AOAH: variants seen among roughly 807,000 people sequenced by gnomAD.
AOAH encodes the protein acyloxyacyl hydrolase (neutrophil).
A neutral mutation model predicts 92.2 loss-of-function variants in AOAH; 64 were observed. The ratio of observed to expected loss-of-function variants is 0.69; its 90% confidence interval spans 0.57 to 0.86. AOAH has a LOEUF of 0.86. Ranked by LOEUF, AOAH falls within the 40% of genes least tolerant of loss-of-function variation. AOAH has a pLI of 0.00. For missense variants in AOAH, 656 were observed against 694.6 expected (o/e 0.94, Z 0.62); for synonymous variants, 263 against 254.5 (o/e 1.03, Z -0.32).
At chr7:36,554,653 A>G (rs1176184435) in intron 13 of AOAH, among the ~76,000 whole-genome samples, 1 of 151,550 alleles carries the variant, frequency 6.6e-6, no homozygotes, top group African/African-American at 2.4e-5. Flanking sequence ...ATCCTCTTTT[A>G]TTTCATTGAG....
chr7:36,720,814 T>C (rs887092249), intron 1 of AOAH, among the ~76,000 whole-genome samples: 16 of 152,222 alleles, frequency 1.1e-4, no homozygotes, highest in Non-Finnish European at 1.9e-4. Context: ...GCATATTCAG[T>C]GGCCATGTGA....
intron 3 of AOAH, among the ~76,000 whole-genome samples, chr7:36,673,416 C>T (rs1487859198): frequency 3.0e-4 from 42 of 139,060 alleles, no homozygotes; most frequent in East Asian, 2.1e-4. Context: ...ACATGCCCGC[C>T]GTAATCCCAG....
intron 13 of AOAH, among the ~76,000 whole-genome samples, chr7:36,557,701 T>C (rs1786870554): frequency 6.6e-6 from 1 of 152,186 alleles, no homozygotes; most frequent in Non-Finnish European, 1.5e-5. Context: ...TTCTTTTTTC[T>C]CTAAACTTCC....
At chr7:36,524,043 C>G (rs958636542) in intron 19 of AOAH, among the ~76,000 whole-genome samples, 24 of 152,054 alleles carry the variant, frequency 1.6e-4, no homozygotes, top group Non-Finnish European at 1.5e-5. Context: ...CTCCCCATCC[C>G]CTCCGTGACT....
chr7:36,590,197 A>T (rs1173484216), intron 12 of AOAH, among the ~76,000 whole-genome samples: 1 of 152,138 alleles, frequency 6.6e-6, no homozygotes, highest in African/African-American at 2.4e-5. Context: ...GCCTCCAGTA[A>T]TCTTTTCACC....
At chr7:36,553,959 T>C (rs1480997975) in intron 13 of AOAH, among the ~76,000 whole-genome samples, 2 of 152,150 alleles carry the variant, frequency 1.3e-5, no homozygotes, top group Non-Finnish European at 1.5e-5. Context: ...TGGTAGTTTC[T>C]TTTGCTGTGC....
chr7:36,673,860 C>T, intron 3 of AOAH, 83 bp downstream of exon 3: 2 of 954,386 alleles, frequency 2.1e-6, no homozygotes, highest in Non-Finnish European at 3.3e-6. Flanking sequence ...TCATGCTGAA[C>T]ACAGAGCCTC....
At chr7:36,562,022 T>C (rs1787310666) in intron 13 of AOAH, among the ~76,000 whole-genome samples, 1 of 152,240 alleles carries the variant, frequency 6.6e-6, no homozygotes, top group South Asian at 2.1e-4. Flanking sequence ...GTCTATTTTT[T>C]ATAGTAGGTG....
At chr7:36,616,521 G>C (rs901206887) in intron 10 of AOAH, 47 bp from the exon 11 acceptor site, 1 of 1,523,650 alleles carries the variant, frequency 6.6e-7, no homozygotes, top group East Asian at 2.3e-5. Context: ...CAAGTAGTTT[G>C]GAACCTCCAG....
chr7:36,613,244 C>T (rs536075321), intron 11 of AOAH, among the ~76,000 whole-genome samples: 6 of 152,256 alleles, frequency 3.9e-5, no homozygotes, highest in East Asian at 1.9e-4. Flanking sequence ...GAGGCTGTTC[C>T]GCTTTTTCCT....
At chr7:36,562,083 C>T (rs1194826838) in intron 13 of AOAH, among the ~76,000 whole-genome samples, 1 of 152,148 alleles carries the variant, frequency 6.6e-6, no homozygotes, top group Non-Finnish European at 1.5e-5. Context: ...TTGCGCCTTC[C>T]ACTATTTCTA....
chr7:36,519,002 A>G (rs942780294), intron 20 of AOAH, among the ~76,000 whole-genome samples: 3 of 152,202 alleles, frequency 2.0e-5, no homozygotes, highest in African/African-American at 7.2e-5. Flanking sequence ...GTGTTTGGTC[A>G]TTTAAAAAAT....
chr7:36,601,743 T>C (rs1790623916), intron 11 of AOAH, among the ~76,000 whole-genome samples: 1 of 152,174 alleles, frequency 6.6e-6, no homozygotes, highest in Admixed American at 6.6e-5. Flanking sequence ...TGTGGGGCTT[T>C]CAAGAAAGGA....
At chr7:36,619,068 T>C (rs1048298044) in intron 9 of AOAH, among the ~76,000 whole-genome samples, 5 of 152,168 alleles carry the variant, frequency 3.3e-5, no homozygotes, top group African/African-American at 1.2e-4. Context: ...GGATTATTCA[T>C]AGTATTCCAA....
At position 36,604,988 on chromosome 7, in the gene AOAH, A is replaced by C. The variant is rs186820189; in HGVS notation, c.847-10558T>G. Among the ~76,000 whole-genome samples, 68 of 152,212 alleles carry C rather than the reference A, an allele frequency of 4.5e-4. 1 individual carries two copies. Among genetic ancestry groups the C allele is most frequent in the African/African-American group, 1.6e-3 (66 of 41,524 alleles). ...TGCTATCCTCAATTTCTGCCTCTGGAATCTTTGGACTTTGTACTTCATGCA... is the reference window on the plus strand; with the variant it reads ...TGCTATCCTCAATTTCTGCCTCTGGCATCTTTGGACTTTGTACTTCATGCA... On this transcript the variant is annotated intron_variant, in intron 11 of 20. Transcript: ENST00000617537.
intron 11 of AOAH, among the ~76,000 whole-genome samples, chr7:36,602,941 T>C (rs1236489606): frequency 2.0e-5 from 3 of 152,144 alleles, no homozygotes; most frequent in African/African-American, 7.2e-5. Flanking sequence ...CAAGAGGCTG[T>C]CCCAAAACCT....
intron 11 of AOAH, among the ~76,000 whole-genome samples, chr7:36,599,176 G>A (rs1401645086): frequency 3.3e-5 from 5 of 152,210 alleles, no homozygotes; most frequent in Non-Finnish European, 5.9e-5. Flanking sequence ...GTGGGTATGT[G>A]TGTGTGTATT....
intron 20 of AOAH, among the ~76,000 whole-genome samples, chr7:36,515,511 C>CCAAACACCACA (rs1783594691): frequency 1.7e-5 from 1 of 58,304 alleles, no homozygotes; most frequent in African/African-American, 7.8e-5. Flanking sequence ...AAACACACCC[C>CCAAACACCACA]CAAACACCAC....
chr7:36,551,208 C>G (rs4723541), intron 13 of AOAH, among the ~76,000 whole-genome samples: 145,436 of 151,886 alleles, frequency 0.96, 69,930 homozygotes, highest in East Asian at 1. Flanking sequence ...TGAGTAGCTG[C>G]GATTACAGGC....
Sources: gnomAD v4.1 joint callset for allele counts (sites outside exome capture counted in the v4.1 genomes callset) on GRCh38, gnomAD v4.1.1 for gene constraint, MANE v1.5 for transcripts, NCBI Gene and HGNC (gene_info 2026-07-23, HGNC 2026-07-21) for gene names.